Variants in CSMD1 observed in about 807,000 individuals in gnomAD.
CSMD1 encodes the protein CUB and Sushi multiple domains 1.
CSMD1 carries 213 observed loss-of-function variants against 417.5 expected under a neutral mutation model. The observed-to-expected ratio is 0.51, with a 90% CI of 0.46 to 0.57. The LOEUF is 0.57. Among genes scored for constraint, CSMD1 ranks in the 20% least tolerant of loss-of-function variants. The pLI is 0.00. For missense variants in CSMD1, 6,923 were observed against 4,529.7 expected (o/e 1.53, Z -15.17); for synonymous variants, 2,862 against 1,736.8 (o/e 1.65, Z -16.11).
chr8:3,383,743 A>G (rs1189756846), intron 18 of CSMD1, among the ~76,000 whole-genome samples: 1 of 152,170 alleles, frequency 6.6e-6, no homozygotes. Context: ...CCCAATAGAA[A>G]TGGAAGCAAA....
chr8:3,390,572 G>T (rs1405391079), intron 17 of CSMD1, among the ~76,000 whole-genome samples: 1 of 151,730 alleles, frequency 6.6e-6, no homozygotes, highest in South Asian at 2.1e-4. Context: ...GAAACGACGT[G>T]TATATTCAGA....
chr8:4,124,150 A>T (rs6994412), intron 3 of CSMD1, among the ~76,000 whole-genome samples: 28 of 152,184 alleles, frequency 1.8e-4, no homozygotes, highest in African/African-American at 6.0e-4. Context: ...TGTTGTCCTA[A>T]AACAGTCTGC....
At chr8:3,776,198 C>T (rs13439742) in intron 5 of CSMD1, among the ~76,000 whole-genome samples, 23 of 152,306 alleles carry the variant, frequency 1.5e-4, no homozygotes, top group African/African-American at 5.3e-4. Flanking sequence ...CTGACCATCT[C>T]AGCACCGGAG....
rs201863423 is a variant in CSMD1 at position 3,999,811 on chromosome 8, G to A, written c.611-1701C>T. On this transcript the variant is annotated intron_variant, in intron 4 of 69. Transcript: ENST00000635120. ...AATCAAGACTACATGAGGGATGGGT[G>A]TTCTCATGTTTTAATAGTTAGCCAG... Among the ~76,000 whole-genome samples, 6 of 152,140 alleles carry A rather than the reference G, an allele frequency of 3.9e-5. No homozygotes were observed. In the East Asian group the frequency reaches 1.2e-3, roughly 29 times the overall value.
chr8:4,847,630 G>A (rs185083574), intron 1 of CSMD1, among the ~76,000 whole-genome samples: 6 of 151,900 alleles, frequency 3.9e-5, no homozygotes, highest in East Asian at 1.9e-4. Context: ...GGACCCCACC[G>A]AGGACCCTGT....
intron 1 of CSMD1, among the ~76,000 whole-genome samples, chr8:4,863,221 G>A (rs1432770261): frequency 6.6e-6 from 1 of 152,046 alleles, no homozygotes; most frequent in Non-Finnish European, 1.5e-5. Flanking sequence ...TCTCCAAAAT[G>A]AGGAAAAATA....
At chr8:3,382,162 G>C (rs901538991) in intron 18 of CSMD1, among the ~76,000 whole-genome samples, 3 of 151,906 alleles carry the variant, frequency 2.0e-5, no homozygotes, top group Non-Finnish European at 2.9e-5. Context: ...GGGAGGCTGA[G>C]GCAGGGTAAT....
At chr8:4,516,099 C>T (rs1190854441) in intron 2 of CSMD1, among the ~76,000 whole-genome samples, 5 of 152,132 alleles carry the variant, frequency 3.3e-5, no homozygotes, top group East Asian at 1.9e-4. Context: ...GTGACTGTAC[C>T]GGGGGCTGAG....
chr8:4,039,884 A>T (rs1161255564), intron 3 of CSMD1, among the ~76,000 whole-genome samples: 1 of 152,214 alleles, frequency 6.6e-6, no homozygotes, highest in Non-Finnish European at 1.5e-5. Flanking sequence ...CAAATTACTT[A>T]GATCTTAGTT....
intron 1 of CSMD1, among the ~76,000 whole-genome samples, chr8:4,856,862 C>G (rs993829646): frequency 6.6e-6 from 1 of 152,018 alleles, no homozygotes; most frequent in Non-Finnish European, 1.5e-5. Context: ...ATCAACGAGA[C>G]AGAAAGTCAA....
intron 10 of CSMD1, among the ~76,000 whole-genome samples, chr8:3,524,550 T>C (rs570802939): frequency 1.4e-5 from 2 of 143,558 alleles, no homozygotes; most frequent in African/African-American, 5.2e-5. Context: ...AGCACACACA[T>C]GCACACACAC....
At chr8:3,112,282 G>A (rs372937646) in intron 42 of CSMD1, among the ~76,000 whole-genome samples, 1 of 152,280 alleles carries the variant, frequency 6.6e-6, no homozygotes, top group East Asian at 1.9e-4. Flanking sequence ...AGGTGACTCC[G>A]TGCTAGTAAT....
At chr8:4,211,328 G>T (rs905626270) in intron 3 of CSMD1, among the ~76,000 whole-genome samples, 1 of 151,834 alleles carries the variant, frequency 6.6e-6, no homozygotes, top group Admixed American at 6.6e-5. Context: ...ATATCCAACT[G>T]TTAAATTTCT....
chr8:4,874,096 C>A (rs1802896709), intron 1 of CSMD1, among the ~76,000 whole-genome samples: 1 of 152,042 alleles, frequency 6.6e-6, no homozygotes, highest in Admixed American at 6.5e-5. Context: ...CCGCATCAGG[C>A]CTTGGTCTGT....
At chr8:3,551,601 T>A (rs944623173) in intron 10 of CSMD1, among the ~76,000 whole-genome samples, 4,173 of 130,094 alleles carry the variant, frequency 0.032, 83 homozygotes, top group African/African-American at 0.082. Context: ...TATATATTTT[T>A]TTTTTTTTTT....
At chr8:3,711,317 A>G (rs1801496934) in intron 6 of CSMD1, among the ~76,000 whole-genome samples, 1 of 152,130 alleles carries the variant, frequency 6.6e-6, no homozygotes, top group South Asian at 2.1e-4. Context: ...ACTCTTGTGG[A>G]AGACGAGGAG....
intron 2 of CSMD1, among the ~76,000 whole-genome samples, chr8:4,608,935 G>T (rs1801022604): frequency 6.6e-6 from 1 of 150,668 alleles, no homozygotes; most frequent in African/African-American, 2.5e-5. Context: ...TGTAAACCTT[G>T]TTTGATTAAC....
At chr8:3,686,815 G>T (rs555781127) in intron 7 of CSMD1, among the ~76,000 whole-genome samples, 35 of 152,264 alleles carry the variant, frequency 2.3e-4, no homozygotes, top group Middle Eastern at 6.8e-3. Context: ...CCTTATGAGG[G>T]CTCCCAGGCC....
chr8:3,000,516 T>C (rs927883506), intron 52 of CSMD1, among the ~76,000 whole-genome samples: 2 of 152,142 alleles, frequency 1.3e-5, no homozygotes, highest in South Asian at 2.1e-4. Context: ...CTATTGATTA[T>C]GGGTAGTAAG....
Sources: allele counts gnomAD v4.1 joint callset (sites outside exome capture counted in the v4.1 genomes callset), GRCh38; gene constraint gnomAD v4.1.1; transcripts MANE v1.5; gene names NCBI Gene and HGNC (gene_info 2026-07-23, HGNC 2026-07-21).